RIGI: variants seen among roughly 807,000 people sequenced by gnomAD.
RIGI encodes the protein antiviral innate immune response receptor RIG-I.
At chr9:32,526,090 A>T in the RIGI span, 1 of 1,613,708 alleles carries the variant, frequency 6.2e-7, no homozygotes, top group South Asian at 1.1e-5. Context: ...CATGTAGCTC[A>T]GGATGTAGGT....
chr9:32,495,802 G>A, the RIGI span, among the ~76,000 whole-genome samples: 1 of 151,878 alleles, frequency 6.6e-6, no homozygotes, highest in Admixed American at 6.6e-5. Flanking sequence ...TGGGACTACA[G>A]GCGTGTGACA....
chr9:32,456,780 C>G, the RIGI span: 6,163 of 191,048 alleles, frequency 0.032, 286 homozygotes, highest in African/African-American at 0.11. Context: ...GTTAAGGAGA[C>G]AAAGGGAGAT....
chr9:32,465,989 A>G, the RIGI span, among the ~76,000 whole-genome samples: 1 of 152,214 alleles, frequency 6.6e-6, no homozygotes, highest in African/African-American at 2.4e-5. Context: ...TTTAAGGAAG[A>G]GACTAAGAAC....
chr9:32,513,733 C>T, the RIGI span, among the ~76,000 whole-genome samples: 9 of 152,150 alleles, frequency 5.9e-5, no homozygotes, highest in African/African-American at 2.2e-4. Flanking sequence ...CAAATAGAAT[C>T]TAATTAAACT....
At chr9:32,515,868 T>C in the RIGI span, among the ~76,000 whole-genome samples, 1 of 151,954 alleles carries the variant, frequency 6.6e-6, no homozygotes, top group Non-Finnish European at 1.5e-5. Context: ...GTTTCCGTGA[T>C]GCCTCCTTGC....
At chr9:32,462,560 C>T in the RIGI span, among the ~76,000 whole-genome samples, 5 of 152,126 alleles carry the variant, frequency 3.3e-5, no homozygotes, top group Admixed American at 1.3e-4. Flanking sequence ...AGGCAGGTGC[C>T]ACCACATCCA....
chr9:32,518,361 T>G, the RIGI span, among the ~76,000 whole-genome samples: 650 of 151,538 alleles, frequency 4.3e-3, 4 homozygotes, highest in African/African-American at 0.015. Context: ...GTATTTTTTT[T>G]GTCCTAAAGT....
chr9:32,512,648 G>GA, the RIGI span, among the ~76,000 whole-genome samples: 2 of 152,114 alleles, frequency 1.3e-5, no homozygotes, highest in Admixed American at 1.3e-4. Flanking sequence ...CATTTCCTTT[G>GA]AAAACCAGCA....
the RIGI span, chr9:32,489,022 C>T: frequency 1.2e-6 from 1 of 808,088 alleles, no homozygotes; most frequent in East Asian, 2.9e-5. Context: ...TTAATGATTA[C>T]AGAATTTACA....
At chr9:32,503,488 T>G in the RIGI span, among the ~76,000 whole-genome samples, 1 of 152,190 alleles carries the variant, frequency 6.6e-6, no homozygotes, top group Non-Finnish European at 1.5e-5. Context: ...TCTTGATCCC[T>G]TCTCTGCTTT....
chr9:32,465,040 C>T, the RIGI span, among the ~76,000 whole-genome samples: 1 of 152,110 alleles, frequency 6.6e-6, no homozygotes. Context: ...AGCTTGTCAC[C>T]TAGGAGAAGA....
At chr9:32,497,009 T>C in the RIGI span, among the ~76,000 whole-genome samples, 56,691 of 152,102 alleles carry the variant, frequency 0.37, 11,763 homozygotes, top group South Asian at 0.51. Context: ...TATTCTTCAT[T>C]ATCAAAATTT....
At chr9:32,455,343 C>A in the RIGI span, among the ~76,000 whole-genome samples, 3 of 152,122 alleles carry the variant, frequency 2.0e-5, no homozygotes, top group African/African-American at 7.2e-5. Flanking sequence ...CACAGTTCCA[C>A]ATGGCTGAGG....
At chr9:32,463,273 G>A in the RIGI span, among the ~76,000 whole-genome samples, 2 of 152,094 alleles carry the variant, frequency 1.3e-5, no homozygotes, top group Non-Finnish European at 2.9e-5. Context: ...TTGTAAAACT[G>A]TTACATTATA....
the RIGI span, chr9:32,492,325 G>T: frequency 6.4e-7 from 1 of 1,573,506 alleles, no homozygotes; most frequent in Non-Finnish European, 8.7e-7. Context: ...CCTCTGATGG[G>T]ATGTAAAAGA....
the RIGI span, among the ~76,000 whole-genome samples, chr9:32,511,027 C>T: frequency 1.1e-4 from 17 of 152,204 alleles, no homozygotes; most frequent in Non-Finnish European, 1.9e-4. Flanking sequence ...ATCAATGCAA[C>T]AAGAAGAGCT....
chr9:32,504,701 A>ATT, the RIGI span, among the ~76,000 whole-genome samples: 1 of 145,674 alleles, frequency 6.9e-6, no homozygotes, highest in South Asian at 2.1e-4. Context: ...ATATATATAT[A>ATT]TTATACATTT....
At chr9:32,469,614 C>G in the RIGI span, among the ~76,000 whole-genome samples, 1 of 152,180 alleles carries the variant, frequency 6.6e-6, no homozygotes, top group Non-Finnish European at 1.5e-5. Context: ...CTTAGACTAG[C>G]GTAAGTGGGT....
the RIGI span, among the ~76,000 whole-genome samples, chr9:32,482,366 T>C: frequency 6.6e-6 from 1 of 152,128 alleles, no homozygotes; most frequent in Non-Finnish European, 1.5e-5. Context: ...AATTTACCCA[T>C]AGTCACACAG....
Sources: gnomAD v4.1 joint callset for allele counts (sites outside exome capture counted in the v4.1 genomes callset) on GRCh38, gnomAD v4.1.1 for gene constraint, MANE v1.5 for transcripts, NCBI Gene and HGNC (gene_info 2026-07-23, HGNC 2026-07-21) for gene names.